PCDH9: variants seen among roughly 807,000 people sequenced by gnomAD.
PCDH9 encodes the protein protocadherin-9.
In PCDH9, 24 loss-of-function variants were observed where a neutral mutation model predicts 70.6. That is an observed-to-expected ratio of 0.34 (90% confidence interval 0.25 to 0.48). The LOEUF is 0.48. Among genes scored for constraint, PCDH9 ranks in the 20% least tolerant of loss-of-function variants. The pLI is 0.99. For synonymous variants in PCDH9, 562 were observed against 558.5 expected (o/e 1.01, Z -0.09); for missense variants, 1,281 against 1,503.6 (o/e 0.85, Z 2.45).
intron 3 of PCDH9, among the ~76,000 whole-genome samples, chr13:66,815,447 A>G (rs906435153): frequency 1.3e-5 from 2 of 152,014 alleles, no homozygotes; most frequent in African/African-American, 4.8e-5. Context: ...ATATAAACTG[A>G]CCTCCCATAA....
At chr13:66,759,567 C>T (rs2079589973) in intron 3 of PCDH9, among the ~76,000 whole-genome samples, 1 of 151,468 alleles carries the variant, frequency 6.6e-6, no homozygotes, top group African/African-American at 2.4e-5. Flanking sequence ...TTTCTTTCTT[C>T]CTCTCTTGTT....
chr13:66,589,644 G>T (rs1036733708), intron 4 of PCDH9, among the ~76,000 whole-genome samples: 1 of 152,048 alleles, frequency 6.6e-6, no homozygotes, highest in East Asian at 1.9e-4. Context: ...GTGCCTGGGA[G>T]TTATTTGGAG....
At chr13:66,939,396 T>C (rs978535510) in intron 2 of PCDH9, among the ~76,000 whole-genome samples, 3 of 150,896 alleles carry the variant, frequency 2.0e-5, no homozygotes, top group Admixed American at 6.6e-5. Flanking sequence ...AATAAACTTC[T>C]AAGAAAGGTG....
intron 4 of PCDH9, among the ~76,000 whole-genome samples, chr13:66,575,809 A>C (rs145671871): frequency 4.0e-4 from 61 of 152,160 alleles, no homozygotes; most frequent in African/African-American, 1.4e-3. Flanking sequence ...AATGAATATA[A>C]TGAGGTTTTT....
chr13:66,678,756 T>TA (rs201413526), intron 3 of PCDH9, among the ~76,000 whole-genome samples: 2,403 of 151,264 alleles, frequency 0.016, 72 homozygotes, highest in African/African-American at 0.055. Context: ...TGTAGAAAAA[T>TA]AAAAAAAATA....
chr13:66,750,826 A>C (rs2079445850), intron 3 of PCDH9, among the ~76,000 whole-genome samples: 2 of 152,142 alleles, frequency 1.3e-5, no homozygotes, highest in Admixed American at 1.3e-4. Context: ...AAACATTAGC[A>C]AAAGGGAAGT....
chr13:66,516,473 A>T (rs1384650255), intron 4 of PCDH9, among the ~76,000 whole-genome samples: 1 of 152,076 alleles, frequency 6.6e-6, no homozygotes, highest in Non-Finnish European at 1.5e-5. Context: ...TCTAAAAAAA[A>T]TTTATATATA....
chr13:67,006,218 C>T (rs1226119632), intron 2 of PCDH9, among the ~76,000 whole-genome samples: 1 of 151,726 alleles, frequency 6.6e-6, no homozygotes, highest in East Asian at 1.9e-4. Context: ...CAGAGAGAGA[C>T]TCCGTCTCAA....
chr13:66,690,261 A>G (rs1324868572), intron 3 of PCDH9, among the ~76,000 whole-genome samples: 1 of 152,150 alleles, frequency 6.6e-6, no homozygotes, highest in East Asian at 1.9e-4. Flanking sequence ...TATAGCAGGT[A>G]GGTGACATAA....
At chr13:66,590,962 G>T (rs1232082700) in intron 4 of PCDH9, among the ~76,000 whole-genome samples, 1 of 151,572 alleles carries the variant, frequency 6.6e-6, no homozygotes, top group African/African-American at 2.4e-5. Flanking sequence ...ATGTGGTTCT[G>T]TAAAAATATG....
intron 4 of PCDH9, among the ~76,000 whole-genome samples, chr13:66,536,630 A>G (rs566358722): frequency 2.6e-5 from 4 of 152,266 alleles, no homozygotes; most frequent in Non-Finnish European, 4.4e-5. Context: ...GAGAAATTAG[A>G]AAAATGTTAA....
At chr13:67,203,728 T>G (rs941141375) in intron 2 of PCDH9, 2 of 152,038 alleles carry the variant, frequency 1.3e-5, no homozygotes, top group African/African-American at 4.8e-5. Flanking sequence ...AATCTAAAGA[T>G]TAAAACTCCT....
chr13:66,408,714 C>A (rs1307792506), intron 4 of PCDH9, among the ~76,000 whole-genome samples: 2 of 151,500 alleles, frequency 1.3e-5, no homozygotes, highest in Non-Finnish European at 2.9e-5. Flanking sequence ...TCTTTTTGTC[C>A]TTTTCTTCTT....
At chr13:66,451,201 C>T (rs1958201691) in intron 4 of PCDH9, among the ~76,000 whole-genome samples, 1 of 152,044 alleles carries the variant, frequency 6.6e-6, no homozygotes, top group Non-Finnish European at 1.5e-5. Flanking sequence ...ACTATATTTC[C>T]AATGCCAGGT....
intron 2 of PCDH9, among the ~76,000 whole-genome samples, chr13:66,975,198 G>A (rs1193584366): frequency 6.6e-6 from 1 of 151,972 alleles, no homozygotes; most frequent in African/African-American, 2.4e-5. Flanking sequence ...GTCATAGAAA[G>A]CAGAAATCTA....
Position 67,228,523 on chromosome 13 carries a change from C to T in PCDH9, c.-83G>A. ...ATGATGCACAAATTGCAAGAGGAAG[C>T]GTGCATGGACTGGAGGATGCATTAT... On this transcript the variant is annotated 5_prime_UTR_variant, in exon 2 of 5. Transcript: ENST00000377865. 3 of 1,150,334 alleles carry T rather than the reference C, an allele frequency of 2.6e-6. No homozygotes were observed. Among genetic ancestry groups the T allele is most frequent in the Non-Finnish European group, 3.7e-6 (3 of 817,114 alleles). 71.3% of individuals were successfully genotyped at this position (1,150,334 alleles called of 1,614,324 possible).
intron 3 of PCDH9, among the ~76,000 whole-genome samples, chr13:66,738,919 A>G (rs2079206028): frequency 6.9e-6 from 1 of 145,464 alleles, no homozygotes; most frequent in African/African-American, 2.5e-5. Flanking sequence ...AACACTCTAC[A>G]GGATATTATC....
intron 3 of PCDH9, among the ~76,000 whole-genome samples, chr13:66,697,894 A>G (rs2078585622): frequency 6.6e-6 from 1 of 152,256 alleles, no homozygotes; most frequent in Admixed American, 6.5e-5. Context: ...TCTATGGATG[A>G]ATGGTAAACA....
chr13:66,528,774 T>C (rs1011700014), intron 4 of PCDH9, among the ~76,000 whole-genome samples: 3 of 152,144 alleles, frequency 2.0e-5, no homozygotes, highest in African/African-American at 7.2e-5. Flanking sequence ...TACAAGTTTA[T>C]AAGAGCTGCA....
Sources: allele counts gnomAD v4.1 joint callset (sites outside exome capture counted in the v4.1 genomes callset), GRCh38; gene constraint gnomAD v4.1.1; transcripts MANE v1.5; gene names NCBI Gene and HGNC (gene_info 2026-07-23, HGNC 2026-07-21).